The following KLF8 variants were observed in gnomAD, a reference collection of about 807,000 sequenced individuals.
The protein encoded by KLF8 is KLF transcription factor 8, also known as Krueppel-like factor 8.
Under a neutral mutation model 18.2 loss-of-function variants are expected in KLF8, and 10 were observed. The ratio of observed to expected loss-of-function variants is 0.55; its 90% CI spans 0.34 to 0.93. KLF8 has a LOEUF of 0.93. Among genes scored for constraint, KLF8 ranks in the 40% least tolerant of loss-of-function variants. KLF8 has a pLI of 0.02. For synonymous variants in KLF8, 109 were observed against 97.3 expected (o/e 1.12, Z -0.71); for missense variants, 264 against 277.9 (o/e 0.95, Z 0.36).
At chrX:56,037,246 T>G in the KLF8 span, among the ~76,000 whole-genome samples, 1 of 111,961 alleles carries the variant, frequency 8.9e-6, no homozygotes, top group Non-Finnish European at 1.9e-5. Context: ...GAACTATCCT[T>G]GCATTCCTGG....
chrX:56,105,222 T>C, the KLF8 span, among the ~76,000 whole-genome samples: 1 of 111,933 alleles, frequency 8.9e-6, no homozygotes, highest in Non-Finnish European at 1.9e-5. Context: ...TATAGATGTC[T>C]ATTAGGTCCA....
the KLF8 span, among the ~76,000 whole-genome samples, chrX:56,075,281 A>G: frequency 7.2e-5 from 8 of 111,494 alleles, no homozygotes; most frequent in Middle Eastern, 4.7e-3. Context: ...TTGTGATTGT[A>G]TAGGGATACA....
chrX:55,975,014 T>G, the KLF8 span, among the ~76,000 whole-genome samples: 5 of 112,011 alleles, frequency 4.5e-5, no homozygotes, highest in Non-Finnish European at 9.4e-5. Flanking sequence ...TTGTAGCTAT[T>G]GTAAATGGGA....
chrX:55,988,305 G>A, the KLF8 span, among the ~76,000 whole-genome samples: 1 of 110,645 alleles, frequency 9.0e-6, no homozygotes, highest in Admixed American at 9.6e-5. Flanking sequence ...GTAATGCCTA[G>A]GTTTTCTTCT....
the KLF8 span, among the ~76,000 whole-genome samples, chrX:55,974,584 C>T: frequency 1.8e-5 from 2 of 112,006 alleles, no homozygotes; most frequent in Admixed American, 9.5e-5. Flanking sequence ...TTAACATAAA[C>T]CTTCAGATAA....
the KLF8 span, among the ~76,000 whole-genome samples, chrX:56,111,682 A>G: frequency 8.9e-6 from 1 of 112,353 alleles, no homozygotes; most frequent in Middle Eastern, 4.2e-3. Flanking sequence ...ATATGAACAG[A>G]CACTTCTCAA....
chrX:56,213,314 CTTTTT>C, the KLF8 span, among the ~76,000 whole-genome samples: 2 of 12,016 alleles, frequency 1.7e-4, no homozygotes, highest in Non-Finnish European at 3.3e-4. Context: ...CTTTTCTTTT[CTTTTT>C]TTTTTTTTTT....
the KLF8 span, among the ~76,000 whole-genome samples, chrX:56,032,259 C>T: frequency 9.0e-6 from 1 of 111,657 alleles, no homozygotes; most frequent in Non-Finnish European, 1.9e-5. Flanking sequence ...AGGCATGAGC[C>T]ACCATTCCTG....
the KLF8 span, among the ~76,000 whole-genome samples, chrX:56,080,920 C>G: frequency 9.0e-6 from 1 of 111,057 alleles, no homozygotes; most frequent in African/African-American, 3.3e-5. Context: ...CACTGATACC[C>G]TTTCTTCCAG....
chrX:56,258,078 C>T (rs963554418), intron 2 of KLF8, among the ~76,000 whole-genome samples: 1 of 112,067 alleles, frequency 8.9e-6, no homozygotes, highest in East Asian at 2.8e-4. Flanking sequence ...TTACCTTAAT[C>T]GTAGCTTTTG....
the KLF8 span, among the ~76,000 whole-genome samples, chrX:55,931,580 G>T: frequency 1.8e-5 from 2 of 111,266 alleles, no homozygotes; most frequent in Non-Finnish European, 1.9e-5. Flanking sequence ...GGCTTTGTTC[G>T]TATTAGTTTC....
At chrX:55,937,935 G>T in the KLF8 span, among the ~76,000 whole-genome samples, 2 of 112,147 alleles carry the variant, frequency 1.8e-5, no homozygotes, top group African/African-American at 6.5e-5. Flanking sequence ...ATGGAACCAA[G>T]TCACAAAACA....
the KLF8 span, among the ~76,000 whole-genome samples, chrX:55,945,485 A>G: frequency 1.8e-5 from 2 of 109,775 alleles, no homozygotes; most frequent in Non-Finnish European, 1.9e-5. Flanking sequence ...TGTAGGTCGT[A>G]TCTCAAAATA....
At chrX:56,116,150 G>A in the KLF8 span, among the ~76,000 whole-genome samples, 7 of 112,886 alleles carry the variant, frequency 6.2e-5, no homozygotes, top group East Asian at 2.8e-4. Context: ...ACTACATGGC[G>A]TGAAACTGCT....
the KLF8 span, among the ~76,000 whole-genome samples, chrX:55,946,689 G>C: frequency 2.7e-5 from 3 of 111,603 alleles, no homozygotes; most frequent in African/African-American, 9.8e-5. Context: ...TACCATGAGA[G>C]TGAACAGGCA....
the KLF8 span, among the ~76,000 whole-genome samples, chrX:56,003,101 T>C: frequency 8.9e-6 from 1 of 111,829 alleles, no homozygotes; most frequent in Non-Finnish European, 1.9e-5. Context: ...GTGAAAAGTC[T>C]GAACTTTGGC....
At chrX:56,199,339 A>G in the KLF8 span, among the ~76,000 whole-genome samples, 1 of 111,971 alleles carries the variant, frequency 8.9e-6, no homozygotes, top group South Asian at 3.7e-4. Context: ...CAATCTACCC[A>G]TCTGAAATGG....
chrX:56,215,841 A>G, the KLF8 span, among the ~76,000 whole-genome samples: 2 of 31,635 alleles, frequency 6.3e-5, no homozygotes, highest in Admixed American at 3.4e-4. Context: ...AAAAAAAAAA[A>G]AAAAAAAAAA....
chrX:56,118,335 C>T, the KLF8 span, among the ~76,000 whole-genome samples: 5 of 111,224 alleles, frequency 4.5e-5, no homozygotes, highest in Admixed American at 1.9e-4. Flanking sequence ...TGTTAATATG[C>T]GCTATGAGAA....
Sources: gnomAD v4.1 joint callset for allele counts (sites outside exome capture counted in the v4.1 genomes callset) on GRCh38, gnomAD v4.1.1 for gene constraint, MANE v1.5 for transcripts, NCBI Gene and HGNC (gene_info 2026-07-23, HGNC 2026-07-21) for gene names.